The following PRDM15 variants were observed in gnomAD, a reference collection of about 807,000 sequenced individuals.
PRDM15 encodes the protein PR domain zinc finger protein 15.
A neutral mutation model predicts 128.6 loss-of-function variants in PRDM15; 64 were observed. The observed-to-expected ratio is 0.50, with a 90% CI of 0.41 to 0.61. The LOEUF (loss-of-function observed/expected upper bound fraction) is 0.61. PRDM15 is among the 20% of genes least tolerant of loss of function. The pLI is 0.00. For missense variants in PRDM15, 1,242 were observed against 1,569.1 expected, an observed-to-expected ratio of 0.79 and a Z score of 3.52; for synonymous variants, 615 against 621.8, an observed-to-expected ratio of 0.99 and a Z score of 0.16.
At chr21:41,830,356 ACAC>A (rs2062643511) in intron 11 of PRDM15, among the ~76,000 whole-genome samples, 2 of 151,220 alleles carry the variant, frequency 1.3e-5, no homozygotes, top group South Asian at 4.2e-4. Flanking sequence ...ACAAATACAC[ACAC>A]AACATACAAA....
At chr21:41,820,534 G>C (rs1200805501) in intron 16 of PRDM15, among the ~76,000 whole-genome samples, 2 of 152,224 alleles carry the variant, frequency 1.3e-5, no homozygotes, top group Non-Finnish European at 2.9e-5. Context: ...AGGACACAGG[G>C]AGAAGACGGC....
chr21:41,873,172 G>T (rs533039183), intron 1 of PRDM15, among the ~76,000 whole-genome samples: 25 of 152,294 alleles, frequency 1.6e-4, no homozygotes, highest in African/African-American at 5.3e-4. Context: ...GGGGGCGCCT[G>T]GTTCCTTCTC....
At chr21:41,834,028 G>A (rs1420542781) in intron 11 of PRDM15, among the ~76,000 whole-genome samples, 1 of 152,188 alleles carries the variant, frequency 6.6e-6, no homozygotes, top group African/African-American at 2.4e-5. Context: ...GTCTTCAGGG[G>A]ACTGTGCCCC....
intron 3 of PRDM15, among the ~76,000 whole-genome samples, chr21:41,858,282 G>A (rs369427166): frequency 7.2e-5 from 11 of 152,258 alleles, no homozygotes; most frequent in African/African-American, 2.4e-4. Context: ...GGACAGAGGC[G>A]GACATGGGGT....
At chr21:41,843,381 T>C (rs1467765933) in intron 6 of PRDM15, among the ~76,000 whole-genome samples, 1 of 152,188 alleles carries the variant, frequency 6.6e-6, no homozygotes, top group African/African-American at 2.4e-5. Context: ...AGGGAACGTC[T>C]CTTGTCCTAC....
intron 11 of PRDM15, chr21:41,834,523 G>A (rs1312661165): frequency 7.7e-6 from 12 of 1,550,226 alleles, no homozygotes; most frequent in East Asian, 4.9e-5. Flanking sequence ...TCTCTAAGCC[G>A]ACTGCCGCCG....
chr21:41,878,640 T>C, intron 1 of PRDM15: 1 of 1,124,322 alleles, frequency 8.9e-7, no homozygotes, highest in South Asian at 1.4e-5. Context: ...ACCTTCTCTC[T>C]GCCACCAAAA....
intron 22 of PRDM15, 82 bp from the exon 23 acceptor site, chr21:41,803,003 G>T: frequency 9.5e-7 from 1 of 1,055,058 alleles, no homozygotes; most frequent in Non-Finnish European, 1.5e-6. Context: ...GCACTGCCCT[G>T]GACACACTCT....
At position 41,801,317 on chromosome 21, in the gene PRDM15, G is replaced by C. The variant is rs758675738; in HGVS notation, c.3349C>G (p.Pro1117Ala). 1.3e-6 allele frequency: 2 copies of C among 1,577,474 alleles called. No individual in the cohort carries two copies. The highest frequency in any genetic ancestry group is 1.2e-5 in the South Asian group (1 of 85,124). The stretch of plus-strand genomic sequence containing the variant: ...GCCGCCTGCTGTGGGGGTGCCTGCG[G>C]CTGCGAGGGTGGCAAGACGTCAGTC... ...PQTDVLPPSQPQAPPQQAAQP... is the reference protein window; with the variant it reads ...PQTDVLPPSQAQAPPQQAAQP... The change falls in exon 24 of 24, where the codon CCG becomes GCG. Residue 1117 changes from proline to alanine, a missense_variant. Pro to Ala is a conservative substitution (Grantham distance 27). Coordinates refer to ENST00000398548, the MANE Select transcript of PRDM15 (RefSeq NM_001040424.3).
At position 41,821,319 on chromosome 21, in the gene PRDM15, A is replaced by G. The variant is rs556294763; in HGVS notation, c.1897-89T>C. On this transcript the variant is annotated intron_variant, in intron 15 of 23. Transcript: ENST00000398548. This position sits in a 1 kb window ranked among gnomAD's most constrained non-coding sequence, Gnocchi z 5.4. ...TGAGGTCGTGTCCACAAACCAGGGC[A>G]CCCGACACGCCCTGAGAGCCCATGA... 4 of 1,460,634 alleles carry G rather than the reference A, an allele frequency of 2.7e-6. No homozygotes were observed. The highest frequency in any genetic ancestry group is 2.8e-6 in the Non-Finnish European group (3 of 1,064,670). 90.5% of individuals were successfully genotyped at this position (1,460,634 alleles called of 1,614,324 possible). A position where few individuals can be genotyped will look rare whatever the true frequency, so the allele number is the denominator to read the frequency against.
intron 6 of PRDM15, among the ~76,000 whole-genome samples, chr21:41,846,260 T>C (rs1483863424): frequency 6.6e-6 from 1 of 152,244 alleles, no homozygotes; most frequent in Non-Finnish European, 1.5e-5. Context: ...TGCGAGTCTT[T>C]CTTCACTACA....
At chr21:41,876,216 G>A (rs1359613966) in intron 1 of PRDM15, among the ~76,000 whole-genome samples, 2 of 152,108 alleles carry the variant, frequency 1.3e-5, no homozygotes, top group African/African-American at 2.4e-5. Context: ...TCTCCACTTC[G>A]ATAAATCATC....
At chr21:41,834,539 C>T in intron 11 of PRDM15, 1 of 1,550,232 alleles carries the variant, frequency 6.5e-7, no homozygotes, top group Middle Eastern at 1.7e-4. Context: ...CGCCGGGCCC[C>T]CCCTCTCCAG....
At chr21:41,869,432 A>G (rs1280207508) in intron 1 of PRDM15, among the ~76,000 whole-genome samples, 1 of 140,664 alleles carries the variant, frequency 7.1e-6, no homozygotes, top group African/African-American at 2.6e-5. Flanking sequence ...GGCACACATC[A>G]CCGGCTATTT....
chr21:41,825,587 G>C (rs1020211474), intron 13 of PRDM15, among the ~76,000 whole-genome samples: 2 of 149,334 alleles, frequency 1.3e-5, no homozygotes, highest in African/African-American at 5.0e-5. Flanking sequence ...GCAAAATAAA[G>C]CCACTGGGTC....
chr21:41,845,427 G>C (rs1057173207), intron 6 of PRDM15, among the ~76,000 whole-genome samples: 1 of 150,974 alleles, frequency 6.6e-6, no homozygotes, highest in Non-Finnish European at 1.5e-5. Context: ...CTGAGCCATG[G>C]ATGTTCCCAA....
intron 1 of PRDM15, among the ~76,000 whole-genome samples, chr21:41,861,150 A>G (rs995984873): frequency 8.5e-5 from 13 of 152,110 alleles, no homozygotes; most frequent in African/African-American, 2.9e-4. Flanking sequence ...ACCATTTTTA[A>G]AAAGCCGGTT....
chr21:41,817,493 G>T (rs1015620950), intron 18 of PRDM15, among the ~76,000 whole-genome samples: 3 of 152,084 alleles, frequency 2.0e-5, no homozygotes, highest in African/African-American at 7.2e-5. Context: ...CTAATTCCCT[G>T]GTCAGGGCTA....
chr21:41,846,373 G>A (rs531484020), intron 6 of PRDM15, among the ~76,000 whole-genome samples: 24 of 152,168 alleles, frequency 1.6e-4, no homozygotes, highest in Non-Finnish European at 2.9e-4. Context: ...ATTCTCTCCC[G>A]GCCACCTTAA....
Sources: allele counts gnomAD v4.1 joint callset (sites outside exome capture counted in the v4.1 genomes callset), GRCh38; gene constraint gnomAD v4.1.1; non-coding constraint Gnocchi (gnomAD v3.1); transcripts MANE v1.5; gene names NCBI Gene and HGNC (gene_info 2026-07-23, HGNC 2026-07-21).